DDC: variants seen among roughly 807,000 people sequenced by gnomAD.
DDC encodes the protein aromatic-L-amino-acid decarboxylase.
DDC carries 43 observed loss-of-function variants against 60.0 expected under a neutral mutation model. That is an observed-to-expected ratio of 0.72 (90% CI 0.56 to 0.92). DDC has a LOEUF of 0.92. DDC is among the 40% of genes least tolerant of loss of function. The pLI, the probability that DDC is intolerant of heterozygous loss-of-function variation, is 0.00. For missense variants in DDC, 573 were observed against 620.2 expected (o/e 0.92, Z 0.81); for synonymous variants, 232 against 234.6 (o/e 0.99, Z 0.10).
intron 1 of DDC, among the ~76,000 whole-genome samples, chr7:50,546,348 C>T (rs958622659): frequency 1.3e-5 from 2 of 152,174 alleles, no homozygotes; most frequent in African/African-American, 4.8e-5. Context: ...ATTCCAAAAA[C>T]AACAGGGGCA....
At chr7:50,499,069 C>T (rs1177446466) in intron 8 of DDC, 79 bp downstream of exon 8, 19 of 1,110,064 alleles carry the variant, frequency 1.7e-5, no homozygotes, top group East Asian at 4.7e-5. Context: ...AGAGACTGGA[C>T]GTCAGCTCCT....
At chr7:50,548,434 G>A (rs898477403) in intron 1 of DDC, among the ~76,000 whole-genome samples, 28 of 152,204 alleles carry the variant, frequency 1.8e-4, no homozygotes, top group Non-Finnish European at 8.8e-5. Context: ...GTGAGCACAT[G>A]AATGCTAAGC....
In DDC at chr7:50,484,009, G is replaced by A. The variant is rs534545417; in HGVS notation, c.945-4146C>T. On this transcript the variant is annotated intron_variant, in intron 9 of 14. Transcript: ENST00000444124. ...TTTTTCAGGTTTTCTATTTACTCTT[G>A]AGTCAGTTTTGGTATCATGTTTTGT... Among the ~76,000 whole-genome samples the A allele has an allele frequency of 7.0e-4, 106 of 152,100 alleles. 1 individual carries two copies. The highest frequency in any genetic ancestry group is 2.5e-3 in the African/African-American group (104 of 41,498).
intron 13 of DDC, among the ~76,000 whole-genome samples, chr7:50,465,497 G>A (rs751949104): frequency 1.3e-5 from 2 of 151,902 alleles, no homozygotes; most frequent in African/African-American, 2.4e-5. Flanking sequence ...TCAGCCTCCC[G>A]AGTAGCTGGG....
intron 14 of DDC, among the ~76,000 whole-genome samples, chr7:50,462,768 G>GTTTT (rs11302809): frequency 1.4e-4 from 14 of 98,318 alleles, no homozygotes; most frequent in East Asian, 5.5e-4. Flanking sequence ...TCTTCTTCTT[G>GTTTT]TTTTTTTTTT....
Position 50,461,214 on chromosome 7 carries a change from T to C in DDC, c.*18+1999A>G, listed in dbSNP as rs117289714. 1.1e-3 allele frequency among the ~76,000 whole-genome samples: 161 copies of C among 152,332 alleles called. 1 individual carries two copies. The highest frequency in any genetic ancestry group is 2.0e-3 in the Admixed American group (30 of 15,308). On this transcript the variant is annotated intron_variant, in intron 14 of 14. Transcript: ENST00000444124. ...TAAATAAAGGAATTTTTATTGCCAA[T>C]CTGGCTTCTCTGATGAAAACTGTAT...
intron 6 of DDC, among the ~76,000 whole-genome samples, chr7:50,507,459 T>C (rs2043431551): frequency 6.6e-6 from 1 of 152,224 alleles, no homozygotes. Context: ...CTCTAACTTC[T>C]GACCTCAGGT....
At chr7:50,513,597 C>A (rs1002957127) in intron 6 of DDC, among the ~76,000 whole-genome samples, 1 of 152,120 alleles carries the variant, frequency 6.6e-6, no homozygotes, top group South Asian at 2.1e-4. Flanking sequence ...AAGCCCCTCT[C>A]GCCCATGCCC....
intron 14 of DDC, chr7:50,459,797 CCCG>C (rs1274717042): frequency 6.6e-6 from 1 of 150,782 alleles, no homozygotes; most frequent in Admixed American, 6.7e-5. Flanking sequence ...GGGGTCAGCC[CCCG>C]CCAGGCCAGC....
intron 1 of DDC, among the ~76,000 whole-genome samples, chr7:50,557,881 A>G (rs2045236145): frequency 1.3e-5 from 2 of 152,250 alleles, no homozygotes; most frequent in African/African-American, 4.8e-5. Flanking sequence ...GGCATTGAGC[A>G]TAGACACTCC....
chr7:50,518,211 CAAA>C (rs58099021), intron 6 of DDC, among the ~76,000 whole-genome samples: 2 of 125,652 alleles, frequency 1.6e-5, no homozygotes, highest in African/African-American at 3.1e-5. Flanking sequence ...GACTCCATCT[CAAA>C]AAAAAAAAAA....
chr7:50,476,387 G>A (rs1353631803), intron 11 of DDC, among the ~76,000 whole-genome samples: 6 of 152,294 alleles, frequency 3.9e-5, no homozygotes, highest in African/African-American at 1.2e-4. Flanking sequence ...CTCCTCCCCA[G>A]GAGCAAAGTC....
intron 7 of DDC, among the ~76,000 whole-genome samples, chr7:50,501,989 A>G (rs896308): frequency 0.097 from 14,720 of 152,148 alleles, 1,060 homozygotes; most frequent in South Asian, 0.12. Context: ...CAGGAGAATC[A>G]CTTGAACCCA....
At chr7:50,546,401 G>C (rs1039748162) in intron 1 of DDC, among the ~76,000 whole-genome samples, 1 of 152,198 alleles carries the variant, frequency 6.6e-6, no homozygotes, top group African/African-American at 2.4e-5. Context: ...GGGTCCCTGG[G>C]TGGAAAATTA....
intron 6 of DDC, among the ~76,000 whole-genome samples, chr7:50,519,052 C>A (rs2043816154): frequency 6.6e-6 from 1 of 152,054 alleles, no homozygotes; most frequent in Admixed American, 6.6e-5. Context: ...ACACGATAAA[C>A]AAACAATCCC....
intron 2 of DDC, among the ~76,000 whole-genome samples, chr7:50,541,039 C>T (rs2044613518): frequency 6.6e-6 from 1 of 152,210 alleles, no homozygotes; most frequent in Admixed American, 6.5e-5. Flanking sequence ...GAATAAAGTC[C>T]TAAAGCCCTC....
At chr7:50,535,296 G>A (rs762331132) in intron 4 of DDC, among the ~76,000 whole-genome samples, 11 of 151,912 alleles carry the variant, frequency 7.2e-5, no homozygotes, top group Non-Finnish European at 1.2e-4. Flanking sequence ...ATAGGTGCCC[G>A]CCACCACACC....
intron 1 of DDC, among the ~76,000 whole-genome samples, chr7:50,554,419 AATT>A (rs10609620): frequency 0.32 from 48,613 of 151,870 alleles, 8,421 homozygotes; most frequent in East Asian, 0.48. Flanking sequence ...TAAAAAATAA[AATT>A]ATTAACTGGG....
intron 10 of DDC, 106 bp from the exon 11 acceptor site, chr7:50,476,749 C>T: frequency 9.0e-7 from 1 of 1,108,814 alleles, no homozygotes; most frequent in Non-Finnish European, 1.3e-6. Flanking sequence ...TCTTCTAAGC[C>T]AGAAATAAAA....
Sources: gnomAD v4.1 joint callset for allele counts (sites outside exome capture counted in the v4.1 genomes callset) on GRCh38, gnomAD v4.1.1 for gene constraint, MANE v1.5 for transcripts, NCBI Gene and HGNC (gene_info 2026-07-23, HGNC 2026-07-21) for gene names.